TAFA1: variants seen among roughly 807,000 people sequenced by gnomAD.
TAFA1 encodes the protein chemokine-like protein TAFA-1.
A neutral mutation model predicts 18.5 loss-of-function variants in TAFA1; 4 were observed. That is an observed-to-expected ratio of 0.22 (90% CI 0.11 to 0.49). TAFA1 has a LOEUF of 0.49. TAFA1 is among the 20% of genes least tolerant of loss of function. The pLI, the probability that TAFA1 is intolerant of heterozygous loss-of-function variation, is 0.98. For synonymous variants in TAFA1, 56 were observed against 55.2 expected (o/e 1.01, Z -0.06); for missense variants, 147 against 169.0 (o/e 0.87, Z 0.72).
At chr3:68,400,391 A>G (rs2070463781) in intron 2 of TAFA1, among the ~76,000 whole-genome samples, 1 of 152,226 alleles carries the variant, frequency 6.6e-6, no homozygotes, top group African/African-American at 2.4e-5. Flanking sequence ...CCAGCCAATG[A>G]CACTCAGAGT....
intron 2 of TAFA1, among the ~76,000 whole-genome samples, chr3:68,289,650 T>A (rs2068075081): frequency 6.6e-6 from 1 of 152,136 alleles, no homozygotes; most frequent in Non-Finnish European, 1.5e-5. Flanking sequence ...TGGCTTGGAT[T>A]TGAGTGAAAT....
At chr3:68,195,296 T>C (rs557962511) in intron 2 of TAFA1, among the ~76,000 whole-genome samples, 1 of 149,656 alleles carries the variant, frequency 6.7e-6, no homozygotes, top group South Asian at 2.2e-4. Flanking sequence ...AAATACAACA[T>C]AAGGCTTCTT....
At chr3:68,066,994 T>C (rs2064686857) in intron 2 of TAFA1, among the ~76,000 whole-genome samples, 2 of 152,164 alleles carry the variant, frequency 1.3e-5, no homozygotes, top group African/African-American at 4.8e-5. Flanking sequence ...TTTGACATGG[T>C]ATCAAGCAAG....
intron 3 of TAFA1, among the ~76,000 whole-genome samples, chr3:68,467,299 T>A (rs2106938237): frequency 6.6e-6 from 1 of 152,242 alleles, no homozygotes; most frequent in East Asian, 1.9e-4. Context: ...GAGATTAAAG[T>A]AAAGACAGGC....
At chr3:68,496,579 T>C (rs994039631) in intron 3 of TAFA1, among the ~76,000 whole-genome samples, 2 of 152,190 alleles carry the variant, frequency 1.3e-5, no homozygotes, top group South Asian at 2.1e-4. Context: ...TCCAGCCCAG[T>C]TGAACCTTTA....
intron 2 of TAFA1, among the ~76,000 whole-genome samples, chr3:68,204,621 GA>G (rs1209380232): frequency 3.3e-5 from 5 of 151,804 alleles, no homozygotes; most frequent in Admixed American, 6.6e-5. Flanking sequence ...CATATGGAGT[GA>G]AAATGGGGCT....
Position 68,244,828 on chromosome 3 carries a change from C to T in TAFA1, c.119-172452C>T, listed in dbSNP as rs141179920. 9.7e-4 allele frequency among the ~76,000 whole-genome samples: 147 copies of T among 152,188 alleles called. 1 individual carries two copies. In the East Asian group the frequency reaches 0.023, roughly 24 times the overall value. ...TGATTATTATTTGCAGAAAAAAATG[C>T]GTGCAGGGTATTGTTATTATCAACA... On this transcript the variant is annotated intron_variant, in intron 2 of 4. Transcript: ENST00000478136.
intron 2 of TAFA1, among the ~76,000 whole-genome samples, chr3:68,008,344 C>T (rs1327211566): frequency 2.0e-5 from 3 of 152,254 alleles, no homozygotes; most frequent in Non-Finnish European, 2.9e-5. Context: ...TCACTTGTTA[C>T]ATGGTCATAA....
intron 2 of TAFA1, among the ~76,000 whole-genome samples, chr3:68,233,557 C>T (rs377237346): frequency 6.6e-6 from 1 of 152,092 alleles, no homozygotes; most frequent in African/African-American, 2.4e-5. Context: ...TCGTGTGATA[C>T]CTCCAGTTTT....
At chr3:68,402,102 C>CTATGTAGTTATG in intron 2 of TAFA1, among the ~76,000 whole-genome samples, 1 of 152,256 alleles carries the variant, frequency 6.6e-6, no homozygotes, top group Non-Finnish European at 1.5e-5. Flanking sequence ...AGCTACATAA[C>CTATGTAGTTATG]CCAGAAGACA....
At chr3:68,520,923 T>C (rs1257262828) in intron 3 of TAFA1, among the ~76,000 whole-genome samples, 1 of 152,244 alleles carries the variant, frequency 6.6e-6, no homozygotes, top group Non-Finnish European at 1.5e-5. Context: ...CATTTAGTTA[T>C]TCCACAAATA....
chr3:68,274,816 C>T (rs1325764535), intron 2 of TAFA1, among the ~76,000 whole-genome samples: 2 of 152,142 alleles, frequency 1.3e-5, no homozygotes, highest in African/African-American at 4.8e-5. Context: ...GATGCGACTG[C>T]TTGTGCATTC....
chr3:68,077,065 T>C (rs1172645787), intron 2 of TAFA1, among the ~76,000 whole-genome samples: 3 of 151,204 alleles, frequency 2.0e-5, no homozygotes, highest in African/African-American at 4.9e-5. Flanking sequence ...CCAGTGATGG[T>C]GAGCATTTTT....
chr3:68,396,003 G>C lies in TAFA1; in HGVS notation c.119-21277G>C, dbSNP rs569622770. Among the ~76,000 whole-genome samples, 166 of 152,066 alleles carry C rather than the reference G, an allele frequency of 1.1e-3. 2 individuals carry two copies. Among genetic ancestry groups the C allele is most frequent in the Non-Finnish European group, 7.1e-4 (48 of 67,982 alleles). On this transcript the variant is annotated intron_variant, in intron 2 of 4. Transcript: ENST00000478136. ...TCCCCAATTGTGTTTGAGAGTGTCT[G>C]TGTCTGCATACCTTCACCAACTTTG...
At chr3:68,190,844 A>G (rs1245030590) in intron 2 of TAFA1, among the ~76,000 whole-genome samples, 1 of 151,832 alleles carries the variant, frequency 6.6e-6, no homozygotes, top group African/African-American at 2.4e-5. Context: ...GAGCTTGTCC[A>G]AGCAAAGTAA....
At chr3:68,431,738 C>T (rs555376444) in intron 3 of TAFA1, among the ~76,000 whole-genome samples, 29 of 152,082 alleles carry the variant, frequency 1.9e-4, no homozygotes, top group South Asian at 6.2e-4. Context: ...TGATTAGTCA[C>T]GTTGTAGCAG....
At chr3:68,166,132 A>C (rs1343397942) in intron 2 of TAFA1, among the ~76,000 whole-genome samples, 3 of 152,208 alleles carry the variant, frequency 2.0e-5, no homozygotes, top group Non-Finnish European at 4.4e-5. Context: ...ACTGAAATTC[A>C]GTGTGGCCAG....
chr3:68,246,052 A>G (rs1312494004), intron 2 of TAFA1, among the ~76,000 whole-genome samples: 1 of 152,148 alleles, frequency 6.6e-6, no homozygotes, highest in Non-Finnish European at 1.5e-5. Context: ...TTCAGAGTCA[A>G]CGACGATGTC....
chr3:68,440,668 G>T (rs1049373732), intron 3 of TAFA1, among the ~76,000 whole-genome samples: 1 of 152,068 alleles, frequency 6.6e-6, no homozygotes, highest in Non-Finnish European at 1.5e-5. Context: ...GAAGGGTCTG[G>T]GCCATTTGTA....
Sources: gnomAD v4.1 joint callset for allele counts (sites outside exome capture counted in the v4.1 genomes callset) on GRCh38, gnomAD v4.1.1 for gene constraint, MANE v1.5 for transcripts, NCBI Gene and HGNC (gene_info 2026-07-23, HGNC 2026-07-21) for gene names.